UBE2V1: variants seen among roughly 807,000 people sequenced by gnomAD.
UBE2V1 encodes the protein ubiquitin-conjugating enzyme E2 variant 1.
UBE2V1 carries 15 observed loss-of-function variants against 19.6 expected under a neutral mutation model. The observed-to-expected ratio is 0.77, with a 90% CI of 0.51 to 1.18. The LOEUF (loss-of-function observed/expected upper bound fraction) is 1.18, where lower values mean the gene tolerates loss of function less well. Ranked by LOEUF, UBE2V1 falls within the 50% of genes most tolerant of loss-of-function variation. The pLI, the probability that UBE2V1 is intolerant of heterozygous loss-of-function variation, is 0.00. For missense variants in UBE2V1, 125 were observed against 184.8 expected, an observed-to-expected ratio of 0.68 and a Z score of 1.88; for synonymous variants, 60 against 60.7, an observed-to-expected ratio of 0.99 and a Z score of 0.05.
chr20:50,090,423 G>A (rs781175288), intron 2 of UBE2V1, among the ~76,000 whole-genome samples: 5 of 149,442 alleles, frequency 3.3e-5, no homozygotes, highest in South Asian at 2.1e-4. Context: ...GCAGTGAGCC[G>A]AGATGGCGCC....
chr20:50,096,614 A>G (rs2147089036), intron 2 of UBE2V1, 58 bp downstream of exon 2: 2 of 1,607,160 alleles, frequency 1.2e-6, no homozygotes, highest in Non-Finnish European at 1.7e-6. Flanking sequence ...AATATTTTTT[A>G]AAAGGAGGCA....
At chr20:50,089,328 G>C (rs2079093772) in intron 2 of UBE2V1, among the ~76,000 whole-genome samples, 1 of 152,166 alleles carries the variant, frequency 6.6e-6, no homozygotes, top group South Asian at 2.1e-4. Flanking sequence ...AGGGGGCTTG[G>C]CGGGATGTGA....
chr20:50,083,062 C>G (rs2078711292), intron 3 of UBE2V1, 148 bp from the exon 4 acceptor site: 1 of 1,322,916 alleles, frequency 7.6e-7, no homozygotes, highest in Admixed American at 2.8e-5. Flanking sequence ...TGCGGAATAC[C>G]TACCTGCTAG....
intron 2 of UBE2V1, chr20:50,084,539 C>A (rs1268919176): frequency 1.7e-5 from 9 of 529,594 alleles, no homozygotes; most frequent in South Asian, 1.4e-4. Context: ...ATGTTAATTT[C>A]TCTACTTTGC....
At chr20:50,103,250 AG>A (rs1281537902) in intron 1 of UBE2V1, among the ~76,000 whole-genome samples, 2 of 152,228 alleles carry the variant, frequency 1.3e-5, no homozygotes, top group African/African-American at 4.8e-5. Flanking sequence ...GGTATTAGCT[AG>A]GAACAGTATT....
At chr20:50,115,350 A>G, upstream of UBE2V1, 3 of 1,364,948 alleles carry the variant, frequency 2.2e-6, no homozygotes, top group Non-Finnish European at 2.9e-6. Flanking sequence ...GCTACAGGTG[A>G]AGCAACTTGA....
chr20:50,082,880 C>T lies in UBE2V1; in HGVS notation c.332G>A (p.Trp111Ter). The T allele has an allele frequency of 6.2e-7, 1 of 1,611,356 alleles. No homozygotes were observed. The highest frequency in any genetic ancestry group is 8.5e-7 in the Non-Finnish European group (1 of 1,179,850). Residue 111 changes from tryptophan to a stop codon, truncating the protein, a stop_gained, in exon 4 of 4, where the codon TGG (tryptophan) becomes TAG (stop). Coordinates refer to ENST00000371674, the MANE Select transcript of UBE2V1 (RefSeq NM_001032288.3). LOFTEE classifies it high-confidence loss of function. ...DPRAISVLAK[W>*]QNSYSIKVVL... ...AACTTTGATGCTATATGAATTCTGCCATTTTGCTAGCACTGATATGGCTCT... is the reference window on the plus strand; with the variant it reads ...AACTTTGATGCTATATGAATTCTGCTATTTTGCTAGCACTGATATGGCTCT...
At chr20:50,107,864 T>C (rs888554216) in intron 1 of UBE2V1, among the ~76,000 whole-genome samples, 1 of 152,202 alleles carries the variant, frequency 6.6e-6, no homozygotes, top group Non-Finnish European at 1.5e-5. Context: ...GGTTAAGTGC[T>C]TTAGAGAAAC....
intron 2 of UBE2V1, chr20:50,095,456 CA>C (rs1418210194): frequency 3.3e-5 from 5 of 152,164 alleles, no homozygotes; most frequent in Non-Finnish European, 5.9e-5. Flanking sequence ...TAAAACTCCA[CA>C]AAACTATAGG....
intron 2 of UBE2V1, among the ~76,000 whole-genome samples, chr20:50,090,607 G>A (rs1038158170): frequency 6.6e-6 from 1 of 152,018 alleles, no homozygotes; most frequent in Non-Finnish European, 1.5e-5. Flanking sequence ...GAATCTAAAA[G>A]TAGAACTCAC....
rs568247445 is a variant in UBE2V1 at position 50,083,759 on chromosome 20, G to C, written c.297+370C>G. The C allele has an allele frequency of 1.0e-4, 16 of 160,164 alleles. 1 individual carries two copies. In the South Asian group the frequency reaches 2.6e-3, roughly 26 times the overall value. The allele number at this position is 160,164 out of a possible 1,614,324, so 9.9% of individuals were successfully genotyped here. ...AAAATAAAAAAGCAAGGCCATTAAA[G>C]GAAAAAAATATTACATGCCAGTGGT... On this transcript the variant is annotated intron_variant, in intron 3 of 3. Coordinates refer to ENST00000371674, the MANE Select transcript of UBE2V1 (RefSeq NM_001032288.3).
intron 1 of UBE2V1, among the ~76,000 whole-genome samples, chr20:50,112,420 C>T (rs2080816342): frequency 6.6e-6 from 1 of 152,172 alleles, no homozygotes. Flanking sequence ...TCACTATCAC[C>T]GCTATTAGGT....
At chr20:50,115,417 C>A, upstream of UBE2V1, 1 of 1,421,390 alleles carries the variant, frequency 7.0e-7, no homozygotes, top group South Asian at 1.6e-5. Flanking sequence ...AATACTTGCC[C>A]TGGACTTGGG....
chr20:50,099,941 T>C (rs1007274370), intron 1 of UBE2V1, among the ~76,000 whole-genome samples: 2 of 151,576 alleles, frequency 1.3e-5, no homozygotes, highest in Non-Finnish European at 2.9e-5. Flanking sequence ...TACAAAAAAA[T>C]ACAAGAATTA....
intron 3 of UBE2V1, 76 bp from the exon 4 acceptor site, chr20:50,082,990 G>C (rs2078707212): frequency 6.4e-7 from 1 of 1,574,416 alleles, no homozygotes. Flanking sequence ...TTAAGCTAAG[G>C]TGCAAACTGG....
At chr20:50,110,067 A>C (rs2147209196) in intron 1 of UBE2V1, among the ~76,000 whole-genome samples, 1 of 152,364 alleles carries the variant, frequency 6.6e-6, no homozygotes, top group Non-Finnish European at 1.5e-5. Context: ...TGTGCATATG[A>C]GGCCACTCCG....
At chr20:50,104,199 T>C (rs2080198529) in intron 1 of UBE2V1, among the ~76,000 whole-genome samples, 1 of 148,674 alleles carries the variant, frequency 6.7e-6, no homozygotes, top group Non-Finnish European at 1.5e-5. Flanking sequence ...GGAGAATTGC[T>C]TGAACCTGGG....
chr20:50,114,056 T>C (rs2080934982), upstream of UBE2V1, among the ~76,000 whole-genome samples: 1 of 152,134 alleles, frequency 6.6e-6, no homozygotes, highest in South Asian at 2.1e-4. Context: ...ACCGTAACAA[T>C]GAGGAGGTAG....
At chr20:50,106,198 T>C (rs1306471394) in intron 1 of UBE2V1, among the ~76,000 whole-genome samples, 17 of 152,220 alleles carry the variant, frequency 1.1e-4, no homozygotes. Context: ...TTCAGAATTA[T>C]TCTTTCCAGA....
Sources: allele counts gnomAD v4.1 joint callset (sites outside exome capture counted in the v4.1 genomes callset), GRCh38; gene constraint gnomAD v4.1.1; transcripts MANE v1.5; gene names NCBI Gene and HGNC (gene_info 2026-07-23, HGNC 2026-07-21).